ADGRL2: variants seen among roughly 807,000 people sequenced by gnomAD.
The protein encoded by ADGRL2 is calcium-independent alpha-latrotoxin receptor 2.
ADGRL2 carries 44 observed loss-of-function variants against 157.4 expected under a neutral mutation model. That is an observed-to-expected ratio of 0.28 (90% confidence interval 0.22 to 0.36). The LOEUF (loss-of-function observed/expected upper bound fraction) is 0.36, where lower values mean the gene tolerates loss of function less well. Among genes scored for constraint, ADGRL2 ranks in the 10% least tolerant of loss-of-function variants. The pLI is 1.00. For synonymous variants in ADGRL2, 585 were observed against 624.7 expected, an observed-to-expected ratio of 0.94 and a Z score of 0.95; for missense variants, 1,510 against 1,768.9, an observed-to-expected ratio of 0.85 and a Z score of 2.63.
chr1:81,950,895 T>A (rs901031513), intron 7 of ADGRL2, 123 bp from the exon 8 acceptor site: 2 of 669,336 alleles, frequency 3.0e-6, no homozygotes, highest in Admixed American at 2.4e-5. Flanking sequence ...TCACTTATTG[T>A]CAAATACTTG....
intron 2 of ADGRL2, among the ~76,000 whole-genome samples, chr1:81,565,229 A>C (rs1419578450): frequency 6.6e-6 from 1 of 152,170 alleles, no homozygotes; most frequent in Non-Finnish European, 1.5e-5. Flanking sequence ...ATGAAGTTTA[A>C]ATAAGATGAC....
chr1:81,779,494 G>A (rs1037504545), intron 2 of ADGRL2, among the ~76,000 whole-genome samples: 1 of 151,964 alleles, frequency 6.6e-6, no homozygotes, highest in Admixed American at 6.6e-5. Context: ...AAGCATTTTC[G>A]GTTCTCTTTA....
chr1:81,435,070 C>T (rs1358043347), intron 1 of ADGRL2, among the ~76,000 whole-genome samples: 1 of 152,120 alleles, frequency 6.6e-6, no homozygotes, highest in African/African-American at 2.4e-5. Flanking sequence ...TTTACTTATA[C>T]TCTATATTAA....
At chr1:81,901,626 T>C (rs1048873449) in intron 2 of ADGRL2, among the ~76,000 whole-genome samples, 4 of 151,916 alleles carry the variant, frequency 2.6e-5, no homozygotes, top group African/African-American at 9.7e-5. Flanking sequence ...GTATTCTAGA[T>C]CATTAATGTG....
intron 1 of ADGRL2, among the ~76,000 whole-genome samples, chr1:81,407,314 G>A (rs2076870661): frequency 6.6e-6 from 1 of 152,192 alleles, no homozygotes; most frequent in Admixed American, 6.5e-5. Flanking sequence ...AAGCAAAGGT[G>A]TTTTATTCTC....
intron 2 of ADGRL2, chr1:81,505,038 G>A (rs1557741583): frequency 1.3e-5 from 5 of 386,592 alleles, no homozygotes; most frequent in Non-Finnish European, 2.4e-5. Flanking sequence ...GACACCGCAT[G>A]TGGCGTGGGT....
At chr1:81,893,782 A>G (rs2094322277) in intron 2 of ADGRL2, among the ~76,000 whole-genome samples, 1 of 152,172 alleles carries the variant, frequency 6.6e-6, no homozygotes, top group Non-Finnish European at 1.5e-5. Context: ...ACATTTTGTA[A>G]CTTTACAATG....
intron 3 of ADGRL2, among the ~76,000 whole-genome samples, chr1:81,614,226 G>A (rs2081598510): frequency 6.6e-6 from 1 of 152,176 alleles, no homozygotes. Context: ...GTTTGGGCCT[G>A]TGAGCCTTAA....
At chr1:81,465,997 C>T (rs927769206) in intron 2 of ADGRL2, among the ~76,000 whole-genome samples, 4 of 152,092 alleles carry the variant, frequency 2.6e-5, no homozygotes, top group Admixed American at 6.5e-5. Context: ...CCAATATTTA[C>T]AATATAATAT....
intron 14 of ADGRL2, among the ~76,000 whole-genome samples, chr1:81,968,645 A>C (rs898396672): frequency 2.0e-5 from 3 of 152,214 alleles, no homozygotes; most frequent in African/African-American, 7.2e-5. Context: ...AATATGTCTC[A>C]GTATTCTTTC....
chr1:81,862,063 C>T (rs192116928), intron 2 of ADGRL2, among the ~76,000 whole-genome samples: 46 of 152,024 alleles, frequency 3.0e-4, no homozygotes, highest in East Asian at 1.5e-3. Flanking sequence ...ATTACGTTTA[C>T]GCTGGAATTT....
At chr1:81,342,546 T>A (rs971884688) in intron 1 of ADGRL2, among the ~76,000 whole-genome samples, 1 of 152,170 alleles carries the variant, frequency 6.6e-6, no homozygotes, top group Non-Finnish European at 1.5e-5. Context: ...ATCTGGCAAT[T>A]TAGTCATAAT....
chr1:81,711,010 T>G (rs2083909862), intron 1 of ADGRL2, among the ~76,000 whole-genome samples: 1 of 152,178 alleles, frequency 6.6e-6, no homozygotes. Context: ...ATTGGTCATT[T>G]GGAAAGTATT....
chr1:81,610,569 G>A (rs1039929065), intron 3 of ADGRL2, among the ~76,000 whole-genome samples: 1 of 152,160 alleles, frequency 6.6e-6, no homozygotes, highest in African/African-American at 2.4e-5. Context: ...TTATTGCAGA[G>A]TTTTTAGTAA....
intron 17 of ADGRL2, 23 bp downstream of exon 17, chr1:81,971,941 T>C (rs761922348): frequency 4.9e-5 from 76 of 1,559,384 alleles, no homozygotes; most frequent in Non-Finnish European, 6.4e-5. Flanking sequence ...TGTTTTCCCT[T>C]GCTTTTTAGC....
At chr1:81,484,054 C>G (rs903114656) in intron 2 of ADGRL2, among the ~76,000 whole-genome samples, 3 of 151,972 alleles carry the variant, frequency 2.0e-5, no homozygotes, top group Admixed American at 6.5e-5. Flanking sequence ...ATAAAGAGAC[C>G]AGCTCCCATC....
chr1:81,956,786 A>G (rs973475836), intron 11 of ADGRL2, among the ~76,000 whole-genome samples: 3 of 152,248 alleles, frequency 2.0e-5, no homozygotes, highest in Non-Finnish European at 2.9e-5. Context: ...CTTCCCAAGC[A>G]TACATGTAGA....
intron 1 of ADGRL2, among the ~76,000 whole-genome samples, chr1:81,720,232 G>A (rs116748471): frequency 0.069 from 9,930 of 144,106 alleles, 405 homozygotes; most frequent in Non-Finnish European, 0.096. Context: ...ACCCTGGCTA[G>A]AGTGCAGTGG....
chr1:81,930,943 C>T (rs1344767258), intron 3 of ADGRL2, among the ~76,000 whole-genome samples: 1 of 151,668 alleles, frequency 6.6e-6, no homozygotes. Flanking sequence ...ACCAGCCTGC[C>T]CAACATGATG....
Sources: allele counts gnomAD v4.1 joint callset (sites outside exome capture counted in the v4.1 genomes callset), GRCh38; gene constraint gnomAD v4.1.1; transcripts MANE v1.5; gene names NCBI Gene and HGNC (gene_info 2026-07-23, HGNC 2026-07-21).